Variants in WDR41 observed in about 807,000 individuals in gnomAD.
WDR41 encodes WD repeat-containing protein 41.
A neutral mutation model predicts 69.3 loss-of-function variants in WDR41; 63 were observed. The observed-to-expected ratio is 0.91, with a 90% CI of 0.74 to 1.12. The LOEUF (loss-of-function observed/expected upper bound fraction) is 1.12, where lower values mean the gene tolerates loss of function less well. Ranked by LOEUF, WDR41 falls within the 50% of genes most tolerant of loss-of-function variation. WDR41 has a pLI of 0.00. For missense variants in WDR41, 543 were observed against 534.5 expected (o/e 1.02, Z -0.16); for synonymous variants, 185 against 192.1 (o/e 0.96, Z 0.31).
chr5:77,600,138 A>T (rs997022122), intron 1 of WDR41, among the ~76,000 whole-genome samples: 1 of 152,174 alleles, frequency 6.6e-6, no homozygotes, highest in South Asian at 2.1e-4. Context: ...TAGGTCAAAC[A>T]TGGGTTTGAC....
intron 8 of WDR41, among the ~76,000 whole-genome samples, chr5:77,443,581 G>A (rs887807934): frequency 6.6e-6 from 1 of 152,112 alleles, no homozygotes; most frequent in African/African-American, 2.4e-5. Context: ...TTAGTAGTGG[G>A]AAAGTTAAGG....
chr5:77,507,572 C>T (rs1050392556), intron 1 of WDR41, among the ~76,000 whole-genome samples: 1 of 152,176 alleles, frequency 6.6e-6, no homozygotes, highest in Admixed American at 6.5e-5. Flanking sequence ...TGCCAATGTT[C>T]CTTTTCATTA....
intron 1 of WDR41, among the ~76,000 whole-genome samples, chr5:77,567,663 TA>T (rs60723638): frequency 0.16 from 16,789 of 106,388 alleles, 1,002 homozygotes; most frequent in Non-Finnish European, 0.2. Context: ...AACCAAATAG[TA>T]AAAAAAAAAA....
chr5:77,590,222 G>A (rs750363515), intron 1 of WDR41, among the ~76,000 whole-genome samples: 4 of 152,138 alleles, frequency 2.6e-5, no homozygotes, highest in Non-Finnish European at 5.9e-5. Flanking sequence ...AGCTGGATTA[G>A]ATTTGCTAAT....
intron 5 of WDR41, among the ~76,000 whole-genome samples, chr5:77,456,976 T>C (rs1013950412): frequency 6.6e-6 from 1 of 152,224 alleles, no homozygotes; most frequent in African/African-American, 2.4e-5. Flanking sequence ...AGCGCTGGGA[T>C]TGCAGGCATG....
At chr5:77,519,313 T>C (rs955283977) in intron 1 of WDR41, among the ~76,000 whole-genome samples, 2 of 151,962 alleles carry the variant, frequency 1.3e-5, no homozygotes, top group African/African-American at 2.4e-5. Flanking sequence ...TATCAAACTA[T>C]ACTTGAGCAG....
chr5:77,545,982 C>T, intron 1 of WDR41: 1 of 487,488 alleles, frequency 2.1e-6, no homozygotes, highest in Non-Finnish European at 3.6e-6. Flanking sequence ...ATCCCTGTGC[C>T]CAGGAGCACT....
intron 1 of WDR41, chr5:77,545,576 G>A (rs1580002422): frequency 2.1e-5 from 6 of 285,274 alleles, no homozygotes; most frequent in East Asian, 7.6e-5. Context: ...AAGCTGGGCC[G>A]TCTGGTCAAG....
chr5:77,444,055 A>G (rs1799280665), intron 8 of WDR41, among the ~76,000 whole-genome samples: 1 of 151,836 alleles, frequency 6.6e-6, no homozygotes, highest in South Asian at 2.1e-4. Context: ...TAATTTTTGT[A>G]TTTTTAGTAG....
intron 1 of WDR41, among the ~76,000 whole-genome samples, chr5:77,618,987 A>C (rs1744728655): frequency 6.6e-6 from 1 of 152,204 alleles, no homozygotes; most frequent in South Asian, 2.1e-4. Context: ...AGCAACACTA[A>C]GATTAGATGA....
chr5:77,579,206 A>G (rs1458017886), intron 1 of WDR41, among the ~76,000 whole-genome samples: 1 of 152,126 alleles, frequency 6.6e-6, no homozygotes, highest in Non-Finnish European at 1.5e-5. Context: ...AGAAGTAGAG[A>G]AGAAAGACAA....
In WDR41 at chr5:77,512,745, C is replaced by CAAAA. The variant is rs71606301; in HGVS notation, c.43-23177_43-23174dup. On this transcript the variant is annotated intron_variant, in intron 1 of 5. Coordinates refer to the WDR41 transcript ENST00000509971. ...TGGCGAGAGAGCGAAGACTCCATCT[C>CAAAA]AAAAAAAAAAAAAAAAAAAAATTGG... 4.2e-3 allele frequency among the ~76,000 whole-genome samples: 312 copies of CAAAA among 74,062 alleles called. 3 individuals are homozygous for CAAAA. The highest frequency in any genetic ancestry group is 0.014 in the African/African-American group (301 of 20,794). The allele number at this position is 74,062 out of a possible 152,430, so 48.6% of individuals were successfully genotyped here. A position where few individuals can be genotyped will look rare whatever the true frequency, so the allele number is the denominator to read the frequency against.
At position 77,575,491 on chromosome 5, in the gene WDR41, A is replaced by G. The variant is rs536140251; in HGVS notation, c.42+44988T>C. The stretch of plus-strand genomic sequence containing the variant: ...AGTGGTGAGAGGGAAGTCCTTTATC[A>G]TATAGCAGAAACTGAAAAGAAATCA... On this transcript the variant is annotated intron_variant, in intron 1 of 5. Transcript: ENST00000509971. Among the ~76,000 whole-genome samples, 8 of 152,340 alleles carry G rather than the reference A, an allele frequency of 5.3e-5. No individual in the cohort carries two copies. The South Asian group carries it at 1.0e-3, about 20-fold the overall frequency.
intron 1 of WDR41, among the ~76,000 whole-genome samples, chr5:77,594,237 G>GCA (rs1744180295): frequency 1.4e-5 from 2 of 142,218 alleles, no homozygotes; most frequent in Non-Finnish European, 3.0e-5. Context: ...GACACAGGAA[G>GCA]GGGAACATCA....
At chr5:77,521,230 A>T (rs1015954614) in intron 1 of WDR41, among the ~76,000 whole-genome samples, 3 of 152,222 alleles carry the variant, frequency 2.0e-5, no homozygotes, top group African/African-American at 7.2e-5. Context: ...CACTAGTTAG[A>T]TTCTCATAAG....
At chr5:77,512,426 G>T (rs533236781) in intron 1 of WDR41, among the ~76,000 whole-genome samples, 1 of 151,396 alleles carries the variant, frequency 6.6e-6, no homozygotes, top group Non-Finnish European at 1.5e-5. Flanking sequence ...CAGGAAGAGA[G>T]GGTGAGAAAT....
chr5:77,453,472 G>T (rs536404675), intron 6 of WDR41, among the ~76,000 whole-genome samples: 5 of 152,184 alleles, frequency 3.3e-5, no homozygotes, highest in African/African-American at 1.2e-4. Context: ...GTAAAAAGAG[G>T]TCATCCTTAG....
intron 2 of WDR41, among the ~76,000 whole-genome samples, chr5:77,476,901 C>A: frequency 7.1e-6 from 1 of 141,808 alleles, no homozygotes; most frequent in Non-Finnish European, 1.5e-5. Context: ...GAGTCAAGAC[C>A]CATCAGTGTG....
At position 77,594,885 on chromosome 5, in the gene WDR41, T is replaced by C. The variant is rs188795501; in HGVS notation, c.42+25594A>G. Among the ~76,000 whole-genome samples the C allele has an allele frequency of 4.6e-5, 7 of 152,368 alleles. No individual in the cohort carries two copies. In the East Asian group the frequency reaches 1.4e-3, roughly 29 times the overall value. On this transcript the variant is annotated intron_variant, in intron 1 of 5. Coordinates refer to the WDR41 transcript ENST00000509971. ...AAGATACACTTTATAAATGCATTTA[T>C]ATCACTATTCTCCTTCAGAGCATTA...
Sources: allele counts gnomAD v4.1 joint callset (sites outside exome capture counted in the v4.1 genomes callset), GRCh38; gene constraint gnomAD v4.1.1; transcripts MANE v1.5; gene names NCBI Gene and HGNC (gene_info 2026-07-23, HGNC 2026-07-21).